The following OR14L1 variants were observed in gnomAD, a reference collection of about 807,000 sequenced individuals.
The protein encoded by OR14L1 is olfactory receptor 14L1.
chr1:247,618,101 C>A, the OR14L1 span, among the ~76,000 whole-genome samples: 1 of 152,216 alleles, frequency 6.6e-6, no homozygotes, highest in African/African-American at 2.4e-5. Flanking sequence ...GTCCCTTTAA[C>A]AACCAGCTAT....
the OR14L1 span, among the ~76,000 whole-genome samples, chr1:247,619,320 G>A: frequency 2.0e-5 from 3 of 152,102 alleles, no homozygotes; most frequent in Non-Finnish European, 4.4e-5. Flanking sequence ...GTCCAAGTAT[G>A]CACACTTTAT....
chr1:247,621,358 A>G, the OR14L1 span: 1 of 152,220 alleles, frequency 6.6e-6, no homozygotes, highest in Non-Finnish European at 1.5e-5. Context: ...AAACTATAAT[A>G]TAAATAGCAT....
the OR14L1 span, chr1:247,620,499 C>T: frequency 0.023 from 3,488 of 152,262 alleles, 155 homozygotes; most frequent in African/African-American, 0.08. Context: ...CCCTGAACCC[C>T]GTCATCTATA....
the OR14L1 span, chr1:247,619,897 A>G: frequency 6.6e-6 from 1 of 152,072 alleles, no homozygotes; most frequent in East Asian, 1.9e-4. Context: ...TAGTTCCTTG[A>G]CTCATGATAC....
At chr1:247,617,274 T>C in the OR14L1 span, 1 of 152,210 alleles carries the variant, frequency 6.6e-6, no homozygotes, top group Admixed American at 6.5e-5. Flanking sequence ...GATTAGGGCA[T>C]TTTTCAATTT....
At chr1:247,620,616 A>T in the OR14L1 span, 1 of 151,648 alleles carries the variant, frequency 6.6e-6, no homozygotes, top group Non-Finnish European at 1.5e-5. Context: ...AGACTCTTGA[A>T]CTCTTGCTCT....
chr1:247,619,289 T>C, the OR14L1 span, among the ~76,000 whole-genome samples: 1 of 152,318 alleles, frequency 6.6e-6, no homozygotes, highest in Admixed American at 6.5e-5. Flanking sequence ...ATTCAGTTGA[T>C]GGGAATAATA....
the OR14L1 span, chr1:247,621,779 A>G: frequency 3.3e-5 from 5 of 152,110 alleles, no homozygotes; most frequent in African/African-American, 1.2e-4. Context: ...GATTCCACAT[A>G]TAAGTGAGAT....
At chr1:247,617,789 A>ATGTGTGTGGGTTGTG in the OR14L1 span, among the ~76,000 whole-genome samples, 3 of 149,958 alleles carry the variant, frequency 2.0e-5, no homozygotes, top group South Asian at 6.3e-4. Context: ...AAAGTTCTGT[A>ATGTGTGTGGGTTGTG]TGTGTGTGTG....
chr1:247,617,652 T>C, the OR14L1 span, among the ~76,000 whole-genome samples: 1 of 151,556 alleles, frequency 6.6e-6, no homozygotes, highest in Non-Finnish European at 1.5e-5. Context: ...TTTTGATGTG[T>C]GGTGAATTGG....
At chr1:247,621,455 G>C in the OR14L1 span, 2 of 152,120 alleles carry the variant, frequency 1.3e-5, no homozygotes. Flanking sequence ...TGGGGTAAAA[G>C]TGATGTTTTA....
the OR14L1 span, among the ~76,000 whole-genome samples, chr1:247,619,148 C>A: frequency 2.0e-5 from 3 of 152,100 alleles, no homozygotes; most frequent in East Asian, 1.9e-4. Flanking sequence ...ACATAAGGAG[C>A]CTTTTTTTCA....
At chr1:247,620,069 T>G in the OR14L1 span, 1 of 152,290 alleles carries the variant, frequency 6.6e-6, no homozygotes, top group Admixed American at 6.5e-5. Flanking sequence ...TGTCTGAGGA[T>G]GATGGCCATG....
chr1:247,617,738 T>C, the OR14L1 span, among the ~76,000 whole-genome samples: 1 of 148,928 alleles, frequency 6.7e-6, no homozygotes, highest in East Asian at 2.0e-4. Context: ...AGTCTCGATG[T>C]ATGGTGGGAT....
At chr1:247,621,167 T>C in the OR14L1 span, 2 of 152,210 alleles carry the variant, frequency 1.3e-5, no homozygotes, top group African/African-American at 4.8e-5. Context: ...AGGAGAAATG[T>C]CATTTTCATT....
At chr1:247,621,617 T>G in the OR14L1 span, 1 of 152,206 alleles carries the variant, frequency 6.6e-6, no homozygotes, top group Non-Finnish European at 1.5e-5. Flanking sequence ...AATCTTGCTG[T>G]GCAATAGATC....
At chr1:247,620,020 C>T in the OR14L1 span, 10 of 152,368 alleles carry the variant, frequency 6.6e-5, no homozygotes, top group Non-Finnish European at 1.2e-4. Context: ...GGCCATCTGC[C>T]GGCCTTTACA....
chr1:247,619,540 A>G, the OR14L1 span: 2 of 152,230 alleles, frequency 1.3e-5, no homozygotes, highest in Non-Finnish European at 1.5e-5. Flanking sequence ...GAGTAACCTT[A>G]TAATTAATTA....
the OR14L1 span, among the ~76,000 whole-genome samples, chr1:247,619,303 A>AT: frequency 6.6e-6 from 1 of 152,126 alleles, no homozygotes; most frequent in Non-Finnish European, 1.5e-5. Context: ...AATAATACTC[A>AT]TTTTTTGTCC....
Sources: allele counts gnomAD v4.1 joint callset (sites outside exome capture counted in the v4.1 genomes callset), GRCh38; gene constraint gnomAD v4.1.1; transcripts MANE v1.5; gene names NCBI Gene and HGNC (gene_info 2026-07-23, HGNC 2026-07-21).